PRKCA: variants seen among roughly 807,000 people sequenced by gnomAD.
The protein encoded by PRKCA is protein kinase C alpha type.
A neutral mutation model predicts 87.0 loss-of-function variants in PRKCA; 27 were observed. The observed-to-expected ratio is 0.31, with a 90% CI of 0.23 to 0.43. The LOEUF (loss-of-function observed/expected upper bound fraction) is 0.43, where lower values mean the gene tolerates loss of function less well. Among genes scored for constraint, PRKCA ranks in the 20% least tolerant of loss-of-function variants. The pLI is 1.00. For missense variants in PRKCA, 518 were observed against 852.3 expected, an observed-to-expected ratio of 0.61 and a Z score of 4.88; for synonymous variants, 329 against 311.1, an observed-to-expected ratio of 1.06 and a Z score of -0.61.
At chr17:66,677,200 C>T (rs891791404) in intron 5 of PRKCA, 1 of 151,038 alleles carries the variant, frequency 6.6e-6, no homozygotes, top group Non-Finnish European at 1.5e-5. Flanking sequence ...CTGCCTCAGA[C>T]CCCTGAGTAG....
chr17:66,656,329 A>G (rs1445109857), intron 5 of PRKCA, among the ~76,000 whole-genome samples: 1 of 152,222 alleles, frequency 6.6e-6, no homozygotes, highest in Non-Finnish European at 1.5e-5. Context: ...GCACTCTTAA[A>G]GATAGGCTTT....
intron 5 of PRKCA, among the ~76,000 whole-genome samples, chr17:66,668,185 A>C (rs1054125815): frequency 6.6e-6 from 1 of 152,200 alleles, no homozygotes; most frequent in African/African-American, 2.4e-5. Context: ...CTCCTTTGCT[A>C]TGGAGTTTCT....
chr17:66,786,807 A>G (rs750667932), intron 14 of PRKCA, 60 bp from the exon 15 acceptor site: 1 of 1,410,884 alleles, frequency 7.1e-7, no homozygotes, highest in Non-Finnish European at 9.9e-7. Context: ...CTCTTCAGGC[A>G]CCATGTGAAT....
At chr17:66,508,674 T>G (rs187458431) in intron 3 of PRKCA, among the ~76,000 whole-genome samples, 24 of 152,286 alleles carry the variant, frequency 1.6e-4, no homozygotes, top group Admixed American at 5.9e-4. Context: ...TTCACGCACC[T>G]AATAGGTTTC....
At chr17:66,532,656 G>A (rs1276656681) in intron 3 of PRKCA, among the ~76,000 whole-genome samples, 1 of 152,092 alleles carries the variant, frequency 6.6e-6, no homozygotes, top group Non-Finnish European at 1.5e-5. Context: ...ACTGCGCCCG[G>A]CCCATCCTTG....
rs183900316 is a variant in PRKCA, at chr17:66,496,241, T to A, written c.246T>A (p.Val82=). 7 of 1,614,216 alleles carry A rather than the reference T, an allele frequency of 4.3e-6. No homozygotes were observed. In the East Asian group the frequency reaches 1.6e-4, roughly 36 times the overall value. The change falls in exon 3 of 17, where the codon GTT becomes GTA. Residue 82 remains valine, a synonymous_variant. Transcript: ENST00000413366. ...TCCACAAGAGGTGCCATGAATTTGTTACTTTTTCTTGTCCGGGTGCGGATA... is the reference window on the plus strand; with the variant it reads ...TCCACAAGAGGTGCCATGAATTTGTAACTTTTTCTTGTCCGGGTGCGGATA... ...FVVHKRCHEF[V]TFSCPGADKG... is the part of the protein sequence containing the mutation.
chr17:66,313,115 A>C (rs1182313403), intron 2 of PRKCA, among the ~76,000 whole-genome samples: 1 of 152,206 alleles, frequency 6.6e-6, no homozygotes, highest in South Asian at 2.1e-4. Context: ...GCGAGGACTG[A>C]GTCTTATTTC....
intron 16 of PRKCA, chr17:66,796,590 A>T (rs1055580520): frequency 2.0e-6 from 2 of 985,126 alleles, no homozygotes; most frequent in African/African-American, 3.5e-5. Context: ...TTGGTCATGC[A>T]CGTAGCCCGT....
chr17:66,494,843 C>T (rs777307055), intron 2 of PRKCA, among the ~76,000 whole-genome samples: 11 of 152,144 alleles, frequency 7.2e-5, no homozygotes, highest in Non-Finnish European at 1.3e-4. Context: ...AGCTCAACGC[C>T]TACAATCCCA....
chr17:66,355,852 C>T (rs940222252), intron 2 of PRKCA, among the ~76,000 whole-genome samples: 1 of 152,128 alleles, frequency 6.6e-6, no homozygotes, highest in Non-Finnish European at 1.5e-5. Flanking sequence ...TGAAAATATA[C>T]CTTCCCAATT....
chr17:66,556,323 CTTTTTTTT>C (rs61549626), intron 3 of PRKCA, among the ~76,000 whole-genome samples: 2 of 129,008 alleles, frequency 1.6e-5, no homozygotes, highest in African/African-American at 5.7e-5. Flanking sequence ...CTTTCTTCTT[CTTTTTTTT>C]TTTTTTTTTT....
intron 5 of PRKCA, among the ~76,000 whole-genome samples, chr17:66,646,529 G>A (rs1372096242): frequency 5.3e-5 from 8 of 152,152 alleles, no homozygotes. Flanking sequence ...CATTTGATCA[G>A]CAAAGGTATC....
rs1330844141 is a variant in PRKCA, at chr17:66,628,746, GGCTGGGCGCTGTGGCTCACACCTC to G, written c.289-12608_289-12585del. ...TCACTGAACATCAATAAATAAAATT[GGCTGGGCGCTGTGGCTCACACCTC>G]TAATCCCAGCACTTGGGGAGGCCGA... On this transcript the variant is annotated intron_variant, in intron 3 of 16. Transcript: ENST00000413366. Among the ~76,000 whole-genome samples, 3 of 152,304 alleles carry G rather than the reference GGCTGGGCGCTGTGGCTCACACCTC, an allele frequency of 2.0e-5. No homozygotes were observed. In the East Asian group the frequency reaches 5.8e-4, roughly 29 times the overall value.
intron 8 of PRKCA, among the ~76,000 whole-genome samples, chr17:66,724,778 T>C (rs1361570165): frequency 6.6e-6 from 1 of 152,242 alleles, no homozygotes; most frequent in Non-Finnish European, 1.5e-5. Flanking sequence ...GCTTCAGCTT[T>C]ATCCCTAGAC....
intron 16 of PRKCA, chr17:66,797,053 GACCATGGGGTTGTAT>G (rs1275810962): frequency 3.8e-5 from 34 of 898,068 alleles, no homozygotes; most frequent in Non-Finnish European, 3.9e-5. Context: ...CCATAGCTGA[GACCATGGGGTTGTAT>G]TCTACATGAC....
intron 13 of PRKCA, among the ~76,000 whole-genome samples, chr17:66,765,125 T>G (rs147638962): frequency 6.6e-6 from 1 of 152,176 alleles, no homozygotes; most frequent in African/African-American, 2.4e-5. Flanking sequence ...TAAAAACATT[T>G]AATGAAGGCC....
chr17:66,463,695 AGTTT>A (rs1238534136), intron 2 of PRKCA, among the ~76,000 whole-genome samples: 5 of 152,034 alleles, frequency 3.3e-5, no homozygotes, highest in Admixed American at 1.3e-4. Context: ...GTGCCCAGCT[AGTTT>A]GTTTGTTTTG....
At chr17:66,583,913 C>T (rs1007318740) in intron 3 of PRKCA, among the ~76,000 whole-genome samples, 1 of 152,146 alleles carries the variant, frequency 6.6e-6, no homozygotes, top group Non-Finnish European at 1.5e-5. Context: ...ATAGGTAAGA[C>T]TATTCTAAGA....
chr17:66,757,740 C>A (rs1052133938), intron 13 of PRKCA, among the ~76,000 whole-genome samples: 4 of 151,920 alleles, frequency 2.6e-5, no homozygotes, highest in Admixed American at 2.6e-4. Context: ...TTGGGTTTTT[C>A]TTGAGATGTA....
Sources: allele counts gnomAD v4.1 joint callset (sites outside exome capture counted in the v4.1 genomes callset), GRCh38; gene constraint gnomAD v4.1.1; transcripts MANE v1.5; gene names NCBI Gene and HGNC (gene_info 2026-07-23, HGNC 2026-07-21).